CABP1: variants seen among roughly 807,000 people sequenced by gnomAD.
CABP1 encodes the protein calcium-binding protein 1.
CABP1 carries 17 observed loss-of-function variants against 34.3 expected under a neutral mutation model. That is an observed-to-expected ratio of 0.50 (90% confidence interval 0.34 to 0.74). The LOEUF (loss-of-function observed/expected upper bound fraction) is 0.74. Among genes scored for constraint, CABP1 ranks in the 30% least tolerant of loss-of-function variants. The pLI, the probability that CABP1 is intolerant of heterozygous loss-of-function variation, is 0.01. For synonymous variants in CABP1, 198 were observed against 229.2 expected (o/e 0.86, Z 1.23); for missense variants, 373 against 511.1 (o/e 0.73, Z 2.61).
At position 120,660,164 on chromosome 12, in the gene CABP1, C is replaced by A. The variant is rs1029076197; in HGVS notation, c.686-32C>A. The A allele has an allele frequency of 6.2e-7, 1 of 1,613,114 alleles. No homozygotes were observed. The highest frequency in any genetic ancestry group is 1.3e-5 in the African/African-American group (1 of 75,042). On this transcript the variant is annotated intron_variant, in intron 2 of 5. Transcript: ENST00000316803. The surrounding 1 kb of genome is among the most constrained non-coding windows in gnomAD (Gnocchi z 5.0). ...CACAGAGGCTCTGCGGGTCCTACCCCTGACCACATCCACCTTTGCTCACTT... is the reference window on the plus strand; with the variant it reads ...CACAGAGGCTCTGCGGGTCCTACCCATGACCACATCCACCTTTGCTCACTT...
intron 1 of CABP1, among the ~76,000 whole-genome samples, chr12:120,643,624 G>A (rs1353464123): frequency 6.6e-6 from 1 of 152,138 alleles, no homozygotes; most frequent in Non-Finnish European, 1.5e-5. Context: ...TAGAGACAGG[G>A]TCTCACTATG....
At chr12:120,677,084 GTTTTTT>G in the CABP1 span, among the ~76,000 whole-genome samples, 4 of 127,790 alleles carry the variant, frequency 3.1e-5, no homozygotes, top group African/African-American at 1.2e-4. Flanking sequence ...GAAGTTTGTG[GTTTTTT>G]TTTTTTTTTT....
chr12:120,641,693 C>T lies in CABP1; in HGVS notation c.654+354C>T. 4.8e-6 allele frequency: 1 copy of T among 206,386 alleles called. No homozygotes were observed. The highest frequency in any genetic ancestry group is 1.7e-3 in the Middle Eastern group (1 of 594). The allele number at this position is 206,386 out of a possible 1,614,324, so 12.8% of individuals were successfully genotyped here. ...CGAGCAGGTGGCGCCAAACCCACTCCTCTGGCCTCTGGCCAGTACCGCCAG... is the reference window on the plus strand; with the variant it reads ...CGAGCAGGTGGCGCCAAACCCACTCTTCTGGCCTCTGGCCAGTACCGCCAG... On this transcript the variant is annotated intron_variant, in intron 1 of 5. Transcript: ENST00000316803. This position sits in a 1 kb window ranked among gnomAD's most constrained non-coding sequence, Gnocchi z 6.7.
intron 1 of CABP1, among the ~76,000 whole-genome samples, chr12:120,646,980 C>T (rs927112337): frequency 3.3e-5 from 5 of 152,214 alleles, no homozygotes; most frequent in Non-Finnish European, 7.3e-5. Context: ...GCCCCCAAAG[C>T]AGGATGGGAT....
Position 120,640,819 on chromosome 12 carries a change from CG to C in CABP1, c.135del (p.Pro47ArgfsTer12). On this transcript the variant is annotated frameshift_variant, in exon 1 of 6. Transcript: ENST00000316803. LOFTEE classifies it high-confidence loss of function. The surrounding 1 kb of genome is among the most constrained non-coding windows in gnomAD (Gnocchi z 6.2). ...GGCCCCGCGCCGCGCCGCACCGCGC[CG>C]CCCCCGCCGGGCCATGCGAGCGCGG... The part of the protein sequence containing the change: ...AGGPAPRRTA[P>X]PPPGHASAGP... The C allele has an allele frequency of 9.2e-7, 1 of 1,083,380 alleles. No homozygotes were observed. The highest frequency in any genetic ancestry group is 1.1e-6 in the Non-Finnish European group (1 of 894,976). The allele number at this position is 1,083,380 out of a possible 1,614,324, so 67.1% of individuals were successfully genotyped here. A position where few individuals can be genotyped will look rare whatever the true frequency, so the allele number is the denominator to read the frequency against.
chr12:120,650,743 TCA>T, intron 1 of CABP1: 2 of 1,555,496 alleles, frequency 1.3e-6, no homozygotes, highest in Non-Finnish European at 1.8e-6. Context: ...ACCATCTGTC[TCA>T]GAGGTTGGGC....
intron 5 of CABP1, chr12:120,662,359 G>GTTTA: frequency 6.6e-6 from 1 of 151,954 alleles, no homozygotes; most frequent in East Asian, 1.9e-4. Context: ...TTTTGTTGTT[G>GTTTA]TTTGTTTGTT....
At chr12:120,667,425 C>T (rs1881077076), downstream of CABP1, 1 of 161,152 alleles carries the variant, frequency 6.2e-6, no homozygotes, top group Admixed American at 6.3e-5. Context: ...TTTTTGCATT[C>T]AGCATTTTTT....
At chr12:120,644,079 G>C (rs1205363243) in intron 1 of CABP1, among the ~76,000 whole-genome samples, 4 of 152,202 alleles carry the variant, frequency 2.6e-5, no homozygotes, top group Non-Finnish European at 5.9e-5. Context: ...GGTGTGGAAT[G>C]GTGGCTTGGG....
intron 5 of CABP1, among the ~76,000 whole-genome samples, chr12:120,664,634 T>G (rs1004576570): frequency 4.6e-5 from 7 of 151,814 alleles, no homozygotes; most frequent in Non-Finnish European, 1.0e-4. Context: ...AGCACTATGG[T>G]AGGCCGAGGT....
intron 1 of CABP1, among the ~76,000 whole-genome samples, chr12:120,651,075 A>T (rs1030184604): frequency 6.6e-6 from 1 of 152,214 alleles, no homozygotes; most frequent in African/African-American, 2.4e-5. Flanking sequence ...CAGCAAGGGC[A>T]GGGACTCGTT....
chr12:120,655,931 T>C, intron 1 of CABP1: 1 of 1,537,868 alleles, frequency 6.5e-7, no homozygotes, highest in Non-Finnish European at 8.7e-7. Context: ...ACTCTGTCTG[T>C]TGGACCAATT....
intron 5 of CABP1, among the ~76,000 whole-genome samples, chr12:120,664,923 G>C (rs1880873218): frequency 6.6e-6 from 1 of 150,958 alleles, no homozygotes; most frequent in Admixed American, 6.6e-5. Flanking sequence ...ATCTAGTCAT[G>C]AAAAGACATG....
intron 1 of CABP1, chr12:120,650,214 C>T (rs1356527375): frequency 6.1e-6 from 1 of 164,782 alleles, no homozygotes; most frequent in Non-Finnish European, 1.3e-5. Context: ...GATTTGGCAG[C>T]GGGGAAAGGA....
downstream of CABP1, among the ~76,000 whole-genome samples, chr12:120,672,052 A>G (rs1246287403): frequency 6.6e-6 from 1 of 152,134 alleles, no homozygotes; most frequent in Non-Finnish European, 1.5e-5. Flanking sequence ...TGGACAACCG[A>G]GCGAGACCCC....
intron 1 of CABP1, among the ~76,000 whole-genome samples, chr12:120,656,530 G>A (rs753288480): frequency 3.9e-5 from 6 of 152,144 alleles, no homozygotes; most frequent in African/African-American, 7.2e-5. Context: ...GTGTGTTGGC[G>A]GATTGCCTCA....
chr12:120,654,654 TGCAGGCC>T (rs1328618504), intron 1 of CABP1, among the ~76,000 whole-genome samples: 2 of 848 alleles, frequency 2.4e-3, no homozygotes, highest in East Asian at 0.083. Flanking sequence ...GAAGGCAGAG[TGCAGGCC>T]GAAGGCAGAG....
chr12:120,673,361 G>A, the CABP1 span, among the ~76,000 whole-genome samples: 2 of 152,120 alleles, frequency 1.3e-5, no homozygotes, highest in African/African-American at 2.4e-5. Context: ...GAGGTGGGAA[G>A]ATCACGAGGT....
At chr12:120,675,935 G>A in the CABP1 span, among the ~76,000 whole-genome samples, 1 of 152,136 alleles carries the variant, frequency 6.6e-6, no homozygotes, top group African/African-American at 2.4e-5. Flanking sequence ...ATTTAGCTGG[G>A]CGTGGTGGTG....
Sources: allele counts gnomAD v4.1 joint callset (sites outside exome capture counted in the v4.1 genomes callset), GRCh38; gene constraint gnomAD v4.1.1; non-coding constraint Gnocchi (gnomAD v3.1); transcripts MANE v1.5; gene names NCBI Gene and HGNC (gene_info 2026-07-23, HGNC 2026-07-21).